The following SIGLECL1 variants were observed in gnomAD, a reference collection of about 807,000 sequenced individuals.
SIGLECL1 encodes the protein SIGLEC family-like protein 1.
Under a neutral mutation model 19.1 loss-of-function variants are expected in SIGLECL1, and 16 were observed. The observed-to-expected ratio is 0.84, with a 90% CI of 0.57 to 1.27. The LOEUF is 1.27. SIGLECL1 is among the 50% of genes most tolerant of loss of function. The pLI is 0.00. For missense variants in SIGLECL1, 210 were observed against 239.4 expected (o/e 0.88, Z 0.81); for synonymous variants, 89 against 90.4 (o/e 0.98, Z 0.09).
At chr19:51,258,262 C>T (rs1982949762) in intron 1 of SIGLECL1, among the ~76,000 whole-genome samples, 1 of 152,086 alleles carries the variant, frequency 6.6e-6, no homozygotes, top group Admixed American at 6.6e-5. Context: ...GTGGACCATT[C>T]CCTAACTTTT....
At chr19:51,246,753 GA>G (rs1216667948), upstream of SIGLECL1, among the ~76,000 whole-genome samples, 1 of 152,134 alleles carries the variant, frequency 6.6e-6, no homozygotes, top group African/African-American at 2.4e-5. Flanking sequence ...TGGGGGGTCT[GA>G]AGAAACTCCT....
In SIGLECL1 at chr19:51,268,710, C is replaced by A; in HGVS notation, c.*113C>A. 1.0e-6 allele frequency: 1 copy of A among 969,584 alleles called. No individual in the cohort carries two copies. Among genetic ancestry groups the A allele is most frequent in the Non-Finnish European group, 1.6e-6 (1 of 642,522 alleles). 60.1% of individuals were successfully genotyped at this position (969,584 alleles called of 1,614,324 possible). A position where few individuals can be genotyped will look rare whatever the true frequency, so the allele number is the denominator to read the frequency against. On this transcript the variant is annotated 3_prime_UTR_variant, in exon 6 of 6. Coordinates refer to ENST00000601727, the MANE Select transcript of SIGLECL1 (RefSeq NM_001385465.1). ...GGAGGCTGTAATAAACCTGGAGCCC[C>A]CTGGACTCTCCTCAGCTCACAAAAC...
At chr19:51,255,535 C>A (rs1982748708) in intron 1 of SIGLECL1, among the ~76,000 whole-genome samples, 1 of 152,098 alleles carries the variant, frequency 6.6e-6, no homozygotes, top group Admixed American at 6.6e-5. Flanking sequence ...TGCAAAGCAT[C>A]CATCTAATAA....
intron 1 of SIGLECL1, among the ~76,000 whole-genome samples, chr19:51,261,814 C>T (rs8102103): frequency 0.087 from 13,234 of 152,132 alleles, 1,876 homozygotes; most frequent in African/African-American, 0.3. Context: ...TTTTGTATCC[C>T]TTCTGTTTGT....
rs923709487 is a variant in SIGLECL1 at position 51,265,861 on chromosome 19, T to C, written c.389T>C (p.Phe130Ser). 2.5e-6 allele frequency: 4 copies of C among 1,614,006 alleles called. No homozygotes were observed. The African/African-American group carries it at 5.3e-5, about 22-fold the overall frequency. ...GCGGGAATTGTAATTGCGCTGCTCT[T>C]CCTCTGCCTCCTCCCTCTCATGTGA... The part of the protein sequence containing the change: ...IYAGIVIALL[F>S]LCLLPLIVKH... Residue 130 changes from phenylalanine (F) to serine (S), a missense_variant, in exon 4 of 6, where the codon TTC (phenylalanine) becomes TCC (serine). Transcript: ENST00000601727.
chr19:51,248,695 G>A (rs989505), upstream of SIGLECL1, among the ~76,000 whole-genome samples: 19,905 of 152,084 alleles, frequency 0.13, 1,952 homozygotes, highest in East Asian at 0.32. Context: ...CACCTAGTGG[G>A]CACACAAGGA....
At chr19:51,267,559 C>T (rs761555371) in intron 5 of SIGLECL1, 30 bp downstream of exon 5, 1 of 1,612,040 alleles carries the variant, frequency 6.2e-7, no homozygotes, top group Non-Finnish European at 8.5e-7. Flanking sequence ...GGAATCTAGT[C>T]TATCGGAATA....
chr19:51,256,084 C>T (rs1343682387), intron 1 of SIGLECL1: 4 of 148,528 alleles, frequency 2.7e-5, no homozygotes, highest in Non-Finnish European at 5.9e-5. Flanking sequence ...TGTATACACA[C>T]ATGCACGCAC....
At chr19:51,268,108 T>C (rs1273414772) in intron 5 of SIGLECL1, among the ~76,000 whole-genome samples, 1 of 152,208 alleles carries the variant, frequency 6.6e-6, no homozygotes, top group Admixed American at 6.5e-5. Flanking sequence ...CTTTTGTAGA[T>C]AAGCCATCTG....
At chr19:51,255,137 G>A (rs1285179646) in intron 1 of SIGLECL1, among the ~76,000 whole-genome samples, 1 of 151,944 alleles carries the variant, frequency 6.6e-6, no homozygotes. Flanking sequence ...GAGCACGCCT[G>A]TAATCCCAGC....
At chr19:51,249,824 A>G (rs1276634444), upstream of SIGLECL1, among the ~76,000 whole-genome samples, 2 of 152,212 alleles carry the variant, frequency 1.3e-5, no homozygotes, top group African/African-American at 4.8e-5. Flanking sequence ...GTTTATTAAG[A>G]AAGTAAAAGA....
At chr19:51,250,116 T>A (rs1982404065), upstream of SIGLECL1, among the ~76,000 whole-genome samples, 1 of 151,236 alleles carries the variant, frequency 6.6e-6, no homozygotes, top group Non-Finnish European at 1.5e-5. Context: ...AGTCAGAGTC[T>A]CACTCTGTTG....
chr19:51,253,147 T>G (rs1982600039), intron 1 of SIGLECL1, among the ~76,000 whole-genome samples: 1 of 152,134 alleles, frequency 6.6e-6, no homozygotes, highest in South Asian at 2.1e-4. Context: ...AGTTAAATGC[T>G]GATAGGAGCT....
At chr19:51,250,741 T>C (rs1599786986), upstream of SIGLECL1, among the ~76,000 whole-genome samples, 1 of 152,174 alleles carries the variant, frequency 6.6e-6, no homozygotes, top group South Asian at 2.1e-4. Context: ...CAAACTACCC[T>C]GGCACCGCCC....
chr19:51,265,737 G>T, intron 3 of SIGLECL1, 40 bp from the exon 4 acceptor site: 1 of 1,613,654 alleles, frequency 6.2e-7, no homozygotes, highest in Middle Eastern at 1.7e-4. Context: ...GCAGAGTTTT[G>T]GCTCCGATGC....
intron 1 of SIGLECL1, 136 bp from the exon 2 acceptor site, chr19:51,263,747 G>T (rs1240874732): frequency 4.9e-6 from 1 of 204,816 alleles, no homozygotes; most frequent in African/African-American, 2.3e-5. Context: ...GACAGAGTAA[G>T]ATTCCATCTC....
At chr19:51,267,827 C>A (rs1983791420) in intron 5 of SIGLECL1, among the ~76,000 whole-genome samples, 1 of 152,198 alleles carries the variant, frequency 6.6e-6, no homozygotes, top group Admixed American at 6.5e-5. Flanking sequence ...GTTGTAGCAT[C>A]AGAGTGGAAA....
At chr19:51,265,697 T>G in intron 3 of SIGLECL1, 48 bp downstream of exon 3, 1 of 1,612,162 alleles carries the variant, frequency 6.2e-7, no homozygotes, top group Non-Finnish European at 8.5e-7. Flanking sequence ...ATAAGCGGGA[T>G]GGGGACAGTC....
At chr19:51,247,487 T>C (rs1021539029), upstream of SIGLECL1, among the ~76,000 whole-genome samples, 92 of 152,208 alleles carry the variant, frequency 6.0e-4, 1 homozygote, top group African/African-American at 2.1e-3. Context: ...GGTGTGATCT[T>C]GGCTCACTGC....
Sources: allele counts gnomAD v4.1 joint callset (sites outside exome capture counted in the v4.1 genomes callset), GRCh38; gene constraint gnomAD v4.1.1; transcripts MANE v1.5; gene names NCBI Gene and HGNC (gene_info 2026-07-23, HGNC 2026-07-21).